Variants in NFXL1 observed in about 807,000 individuals in gnomAD.
NFXL1 encodes NF-X1-type zinc finger protein NFXL1.
NFXL1 carries 66 observed loss-of-function variants against 123.3 expected under a neutral mutation model. The observed-to-expected ratio is 0.54, with a 90% CI of 0.44 to 0.66. The LOEUF is 0.66. Among genes scored for constraint, NFXL1 ranks in the 30% least tolerant of loss-of-function variants. NFXL1 has a pLI of 0.00. For synonymous variants in NFXL1, 346 were observed against 360.8 expected (o/e 0.96, Z 0.46); for missense variants, 944 against 1,125.6 (o/e 0.84, Z 2.31).
intron 19 of NFXL1, among the ~76,000 whole-genome samples, chr4:47,861,355 T>TA (rs1734756522): frequency 6.6e-6 from 1 of 152,150 alleles, no homozygotes; most frequent in African/African-American, 2.4e-5. Context: ...AGGCTACAGA[T>TA]ACATTTTTCA....
chr4:47,871,122 G>A (rs1056197777), intron 18 of NFXL1, among the ~76,000 whole-genome samples: 8 of 152,078 alleles, frequency 5.3e-5, no homozygotes, highest in South Asian at 2.1e-4. Flanking sequence ...AGGCCGAGGC[G>A]GGCAGATCAC....
intron 19 of NFXL1, among the ~76,000 whole-genome samples, chr4:47,858,186 A>G (rs1310742052): frequency 6.6e-6 from 1 of 152,196 alleles, no homozygotes; most frequent in South Asian, 2.1e-4. Context: ...AGATGCAAAA[A>G]GACTGGCAAA....
At chr4:47,905,483 T>C in intron 3 of NFXL1, 137 bp from the exon 4 acceptor site, 3 of 455,092 alleles carry the variant, frequency 6.6e-6, no homozygotes, top group Non-Finnish European at 7.9e-6. Flanking sequence ...AAGAAGTTTT[T>C]TTTAAAAAAG....
chr4:47,880,982 G>A (rs1021571277), intron 15 of NFXL1, among the ~76,000 whole-genome samples: 11 of 151,910 alleles, frequency 7.2e-5, no homozygotes, highest in African/African-American at 2.4e-4. Context: ...AGAGAGATTT[G>A]TTAAAAAACA....
chr4:47,877,493 C>T (rs183088697), intron 17 of NFXL1, among the ~76,000 whole-genome samples: 40 of 152,102 alleles, frequency 2.6e-4, no homozygotes, highest in Non-Finnish European at 4.6e-4. Context: ...TGACTCACTC[C>T]GTATTCTGGA....
chr4:47,858,519 C>A (rs1734538183), intron 19 of NFXL1, among the ~76,000 whole-genome samples: 1 of 152,146 alleles, frequency 6.6e-6, no homozygotes, highest in African/African-American at 2.4e-5. Flanking sequence ...CACAGTAAAA[C>A]AAACTTATAC....
chr4:47,907,813 ACT>A (rs1737630498), intron 3 of NFXL1, among the ~76,000 whole-genome samples: 1 of 152,184 alleles, frequency 6.6e-6, no homozygotes, highest in Non-Finnish European at 1.5e-5. Context: ...AAATAAAATG[ACT>A]CTATCTAGAA....
chr4:47,863,963 T>C (rs980276117), intron 18 of NFXL1, among the ~76,000 whole-genome samples: 5 of 152,202 alleles, frequency 3.3e-5, no homozygotes, highest in African/African-American at 1.2e-4. Flanking sequence ...CAGACATAAC[T>C]GCCAAAATAT....
chr4:47,848,626 A>C (rs2110018005), intron 22 of NFXL1, among the ~76,000 whole-genome samples: 1 of 152,272 alleles, frequency 6.6e-6, no homozygotes, highest in South Asian at 2.1e-4. Context: ...ACGGTGGCTC[A>C]CGCCTGTAAT....
chr4:47,866,583 A>G (rs547365924), intron 18 of NFXL1, among the ~76,000 whole-genome samples: 2 of 152,390 alleles, frequency 1.3e-5, no homozygotes, highest in South Asian at 2.1e-4. Context: ...AAACTGGAAC[A>G]TAATATTCCA....
intron 22 of NFXL1, among the ~76,000 whole-genome samples, chr4:47,850,583 G>C (rs1022109485): frequency 2.0e-5 from 3 of 151,958 alleles, no homozygotes; most frequent in Non-Finnish European, 4.4e-5. Context: ...TTGTTCTCTA[G>C]GTAACAACAA....
Position 47,884,405 on chromosome 4 carries a change from A to C in NFXL1, c.1857T>G (p.Ser619=), listed in dbSNP as rs766772184. The change falls in exon 15 of 23, where the codon TCT becomes TCG. Residue 619 remains serine, a synonymous_variant. Transcript: ENST00000507489. ...HQPTGPWEQP[S]EPAFIQTALP... Reference sequence around the variant, plus strand: ...ATGCAGTCTGAATAAATGCTGGCTCAGAAGGCTGTTCCCAAGGGCCTGTAG... The same window carrying C: ...ATGCAGTCTGAATAAATGCTGGCTCCGAAGGCTGTTCCCAAGGGCCTGTAG... 3.7e-6 allele frequency: 6 copies of C among 1,612,148 alleles called. No homozygotes were observed. Among genetic ancestry groups the C allele is most frequent in the Non-Finnish European group, 5.1e-6 (6 of 1,178,392 alleles).
At chr4:47,893,877 TACACAA>T (rs1326837896) in intron 11 of NFXL1, among the ~76,000 whole-genome samples, 1 of 151,758 alleles carries the variant, frequency 6.6e-6, no homozygotes, top group Non-Finnish European at 1.5e-5. Flanking sequence ...GTTTATAAAA[TACACAA>T]ATATAAAATG....
intron 18 of NFXL1, among the ~76,000 whole-genome samples, chr4:47,871,796 T>C (rs1735454395): frequency 2.0e-5 from 3 of 152,200 alleles, no homozygotes; most frequent in Non-Finnish European, 4.4e-5. Flanking sequence ...TTCTATAATT[T>C]AACAAAGCAT....
At chr4:47,891,100 C>A (rs1578027511) in intron 11 of NFXL1, among the ~76,000 whole-genome samples, 1 of 148,090 alleles carries the variant, frequency 6.8e-6, no homozygotes, top group Non-Finnish European at 1.5e-5. Flanking sequence ...TATTTATTTT[C>A]TTTTTCTTTT....
chr4:47,876,184 A>T (rs946398917), intron 17 of NFXL1, among the ~76,000 whole-genome samples: 1 of 152,138 alleles, frequency 6.6e-6, no homozygotes, highest in African/African-American at 2.4e-5. Context: ...TTTTTTAAAA[A>T]CATGTGCCAG....
intron 11 of NFXL1, among the ~76,000 whole-genome samples, chr4:47,891,845 G>T (rs1178030092): frequency 6.6e-6 from 1 of 151,956 alleles, no homozygotes; most frequent in Admixed American, 6.6e-5. Context: ...GCTGAGGCAG[G>T]AGAATTGCTT....
chr4:47,894,108 C>A, intron 11 of NFXL1, 72 bp downstream of exon 11: 1 of 1,203,018 alleles, frequency 8.3e-7, no homozygotes, highest in South Asian at 1.7e-5. Flanking sequence ...CAAGACAGCA[C>A]TTATTTGGGC....
At chr4:47,898,736 T>A in intron 8 of NFXL1, 21 bp downstream of exon 8, 276 of 1,231,882 alleles carry the variant, frequency 2.2e-4, no homozygotes, top group Non-Finnish European at 3.0e-4. Context: ...TACCCACCCC[T>A]CAAAATGCAT....
Sources: allele counts gnomAD v4.1 joint callset (sites outside exome capture counted in the v4.1 genomes callset), GRCh38; gene constraint gnomAD v4.1.1; transcripts MANE v1.5; gene names NCBI Gene and HGNC (gene_info 2026-07-23, HGNC 2026-07-21).